The following TRHDE variants were observed in gnomAD, a reference collection of about 807,000 sequenced individuals.
TRHDE encodes thyrotropin-releasing hormone-degrading ectoenzyme.
In TRHDE, 72 loss-of-function variants were observed where a neutral mutation model predicts 125.7. That is an observed-to-expected ratio of 0.57 (90% CI 0.47 to 0.70). The LOEUF is 0.70. Ranked by LOEUF, TRHDE falls within the 30% of genes least tolerant of loss-of-function variation. The probability of loss-of-function intolerance (pLI) is 0.00; values close to 1 mark genes in which losing one functional copy is unlikely to be tolerated. For missense variants in TRHDE, 1,110 were observed against 1,327.1 expected (o/e 0.84, Z 2.54); for synonymous variants, 509 against 509.1 (o/e 1.00, Z 0.00).
chr12:72,097,363 A>T (rs1201619570), intron 1 of TRHDE, among the ~76,000 whole-genome samples: 1 of 151,590 alleles, frequency 6.6e-6, no homozygotes, highest in Non-Finnish European at 1.5e-5. Context: ...TGTTTCCTGG[A>T]AGGCTTTAAA....
chr12:72,503,952 G>A (rs570913138), intron 6 of TRHDE, among the ~76,000 whole-genome samples: 1 of 152,328 alleles, frequency 6.6e-6, no homozygotes, highest in South Asian at 2.1e-4. Flanking sequence ...CCTCTGTGAT[G>A]TGAGACAAAA....
At chr12:72,300,703 T>A (rs73336696) in intron 2 of TRHDE, among the ~76,000 whole-genome samples, 26,217 of 151,682 alleles carry the variant, frequency 0.17, 2,369 homozygotes, top group Middle Eastern at 0.32. Flanking sequence ...TATATATATG[T>A]GTGTGTGTAT....
At chr12:72,392,495 C>T (rs540004156) in intron 3 of TRHDE, among the ~76,000 whole-genome samples, 88 of 152,160 alleles carry the variant, frequency 5.8e-4, no homozygotes, top group Middle Eastern at 3.4e-3. Context: ...AATGTAAAGA[C>T]GCCTCCATAA....
At chr12:72,639,899 T>C (rs964651352) in intron 15 of TRHDE, among the ~76,000 whole-genome samples, 3 of 152,092 alleles carry the variant, frequency 2.0e-5, no homozygotes, top group Non-Finnish European at 4.4e-5. Flanking sequence ...ACCACTGCTC[T>C]CTTCAAAGCT....
intron 2 of TRHDE, among the ~76,000 whole-genome samples, chr12:72,165,753 C>A (rs927436021): frequency 1.3e-5 from 2 of 151,844 alleles, no homozygotes; most frequent in Non-Finnish European, 2.9e-5. Context: ...TGGCTCACTG[C>A]AAGCTGCGCC....
chr12:72,206,695 G>T (rs1877673204), intron 2 of TRHDE, among the ~76,000 whole-genome samples: 1 of 151,878 alleles, frequency 6.6e-6, no homozygotes, highest in Non-Finnish European at 1.5e-5. Flanking sequence ...ATTCTATTTT[G>T]TTGGGGTAAT....
intron 6 of TRHDE, among the ~76,000 whole-genome samples, chr12:72,516,023 C>G (rs1410362234): frequency 2.7e-5 from 4 of 150,890 alleles, no homozygotes; most frequent in African/African-American, 9.9e-5. Flanking sequence ...GTACCAGTAC[C>G]ATGCTGTTTT....
At position 72,165,679 on chromosome 12, in the gene TRHDE, AT is replaced by A. The variant is rs57114088; in HGVS notation, n.279+59939del. On this transcript the variant is annotated intron_variant and non_coding_transcript_variant, in intron 2 of 4. Transcript: ENST00000548156. ...AAGTCACACATATTCTGAGAAATGC[AT>A]TTTTTTTTTTTGAGATGGAGTCCTG... 2.5e-3 allele frequency among the ~76,000 whole-genome samples: 362 copies of A among 145,164 alleles called. 2 individuals are homozygous for A. The highest frequency in any genetic ancestry group is 0.019 in the East Asian group (96 of 4,988).
rs1872676229 is a variant in TRHDE, at chr12:72,393,355, T to C, written c.1315+15234T>C. 2.0e-5 allele frequency among the ~76,000 whole-genome samples: 3 copies of C among 152,168 alleles called. No individual in the cohort carries two copies. In the South Asian group the frequency reaches 6.2e-4, roughly 31 times the overall value. The stretch of plus-strand genomic sequence containing the variant: ...GAATGCTGGTTTTCAAATTACTAAG[T>C]CCAAGCCTCATGCGTAGGCCACTGC... On this transcript the variant is annotated intron_variant, in intron 3 of 18. Coordinates refer to ENST00000261180, the MANE Select transcript of TRHDE (RefSeq NM_013381.3).
At position 72,290,063 on chromosome 12, in the gene TRHDE, A is replaced by G. The variant is rs143124270; in HGVS notation, c.1188+3109A>G. ...ACGTATTCACGAATTGCTTTGATTG[A>G]AACTTGTAGAAAATAAGTTCAAGAC... On this transcript the variant is annotated intron_variant, in intron 2 of 18. Coordinates refer to ENST00000261180, the MANE Select transcript of TRHDE (RefSeq NM_013381.3). Among the ~76,000 whole-genome samples, 3 of 152,360 alleles carry G rather than the reference A, an allele frequency of 2.0e-5. No individual in the cohort carries two copies. In the East Asian group the frequency reaches 5.8e-4, roughly 29 times the overall value.
intron 7 of TRHDE, among the ~76,000 whole-genome samples, chr12:72,550,344 T>C (rs1435005109): frequency 6.6e-6 from 1 of 152,078 alleles, no homozygotes; most frequent in Non-Finnish European, 1.5e-5. Flanking sequence ...AGTTCAGTAG[T>C]ACAATAAACT....
At chr12:72,528,026 T>C (rs1868369814) in intron 6 of TRHDE, among the ~76,000 whole-genome samples, 1 of 152,080 alleles carries the variant, frequency 6.6e-6, no homozygotes, top group Non-Finnish European at 1.5e-5. Flanking sequence ...ATATATATCG[T>C]TTTTTGCATG....
At position 72,293,168 on chromosome 12, in the gene TRHDE, C is replaced by T. The variant is rs187143524; in HGVS notation, c.1188+6214C>T. Among the ~76,000 whole-genome samples the T allele has an allele frequency of 3.5e-4, 53 of 151,242 alleles. 1 individual carries two copies. In the East Asian group the frequency reaches 0.01, roughly 29 times the overall value. On this transcript the variant is annotated intron_variant, in intron 2 of 18. Transcript: ENST00000261180. ...GGCCTGAGCTTCCTTGTATTAATAG[C>T]ATGGTGGTCTAATGTTGATGGGAAT... is the stretch of plus-strand genomic sequence containing the variant.
In TRHDE at chr12:72,453,006, T is replaced by C. The variant is rs1222551818; in HGVS notation, c.1316-16752T>C. ...TGTGAGAACAGCCTAACACAGATCA[T>C]TGGTACTAAGCAGTGGGGCATTGCT... is the stretch of plus-strand genomic sequence containing the variant. On this transcript the variant is annotated intron_variant, in intron 3 of 18. Transcript: ENST00000261180. Among the ~76,000 whole-genome samples, 6 of 152,302 alleles carry C rather than the reference T, an allele frequency of 3.9e-5. No individual in the cohort carries two copies. In the East Asian group the frequency reaches 5.8e-4, roughly 15 times the overall value.
intron 2 of TRHDE, among the ~76,000 whole-genome samples, chr12:72,339,894 G>A (rs1223170084): frequency 6.6e-6 from 1 of 152,194 alleles, no homozygotes; most frequent in Non-Finnish European, 1.5e-5. Context: ...CTCCCTGGGA[G>A]AGAAGGGGTA....
chr12:72,122,961 C>T (rs1443849515), intron 2 of TRHDE, among the ~76,000 whole-genome samples: 1 of 152,064 alleles, frequency 6.6e-6, no homozygotes, highest in Non-Finnish European at 1.5e-5. Flanking sequence ...CAACAACAAA[C>T]CACACTGTCT....
At position 72,273,168 on chromosome 12, in the gene TRHDE, G is replaced by A. The variant is rs1879323369; in HGVS notation, c.525G>A (p.Arg175=). Residue 175 remains arginine, a synonymous_variant, in exon 1 of 19, where the codon CGG becomes CGA. Transcript: ENST00000261180. The surrounding 1 kb of genome is among the most constrained non-coding windows in gnomAD (Gnocchi z 5.3). The part of the protein sequence containing the change: ...TSAQPPSEEE[R]EPWEPWTQLR... ...CCCAGCCGCCGTCGGAGGAGGAGCG[G>A]GAGCCGTGGGAGCCGTGGACGCAGC... The A allele has an allele frequency of 6.3e-7, 1 of 1,586,468 alleles. No individual in the cohort carries two copies. The highest frequency in any genetic ancestry group is 8.6e-7 in the Non-Finnish European group (1 of 1,162,820).
At chr12:72,480,906 A>G (rs1418906966) in intron 5 of TRHDE, among the ~76,000 whole-genome samples, 2 of 152,132 alleles carry the variant, frequency 1.3e-5, no homozygotes, top group African/African-American at 4.8e-5. Flanking sequence ...AATAGTGGCC[A>G]TAGCATATTA....
intron 3 of TRHDE, among the ~76,000 whole-genome samples, chr12:72,422,844 G>A (rs1874017231): frequency 6.6e-6 from 1 of 152,112 alleles, no homozygotes; most frequent in African/African-American, 2.4e-5. Flanking sequence ...ATTATAAGAA[G>A]GGCTTGTGGG....
Sources: allele counts gnomAD v4.1 joint callset (sites outside exome capture counted in the v4.1 genomes callset), GRCh38; gene constraint gnomAD v4.1.1; non-coding constraint Gnocchi (gnomAD v3.1); transcripts MANE v1.5; gene names NCBI Gene and HGNC (gene_info 2026-07-23, HGNC 2026-07-21).